Variants in CDH7 observed in about 807,000 individuals in gnomAD.
CDH7 encodes cadherin 7.
A neutral mutation model predicts 71.8 loss-of-function variants in CDH7; 25 were observed. That is an observed-to-expected ratio of 0.35 (90% CI 0.25 to 0.49). The LOEUF (loss-of-function observed/expected upper bound fraction) is 0.49. Ranked by LOEUF, CDH7 falls within the 20% of genes least tolerant of loss-of-function variation. The probability of loss-of-function intolerance (pLI) is 0.99; values close to 1 mark genes in which losing one functional copy is unlikely to be tolerated. For missense variants in CDH7, 862 were observed against 974.6 expected (o/e 0.88, Z 1.54); for synonymous variants, 381 against 363.8 (o/e 1.05, Z -0.54).
intron 3 of CDH7, among the ~76,000 whole-genome samples, chr18:65,810,255 A>G (rs545272084): frequency 6.6e-6 from 1 of 152,264 alleles, no homozygotes; most frequent in Non-Finnish European, 1.5e-5. Flanking sequence ...AAATTACTTC[A>G]ATCTTACATT....
At chr18:65,842,905 A>G (rs1912788998) in intron 6 of CDH7, among the ~76,000 whole-genome samples, 1 of 151,992 alleles carries the variant, frequency 6.6e-6, no homozygotes, top group Non-Finnish European at 1.5e-5. Flanking sequence ...AAATGTAAAA[A>G]GAATTTGGGG....
intron 7 of CDH7, among the ~76,000 whole-genome samples, chr18:65,846,085 T>C (rs1912925007): frequency 6.6e-6 from 1 of 152,140 alleles, no homozygotes; most frequent in Non-Finnish European, 1.5e-5. Flanking sequence ...TCACTTTTTA[T>C]AATATTTTCA....
chr18:65,800,503 T>C (rs575030815), intron 2 of CDH7, among the ~76,000 whole-genome samples: 7 of 152,268 alleles, frequency 4.6e-5, no homozygotes, highest in Admixed American at 1.3e-4. Context: ...TGGTTGAAAA[T>C]AGATTTCTGG....
intron 2 of CDH7, among the ~76,000 whole-genome samples, chr18:65,765,622 G>A (rs1231641819): frequency 6.6e-6 from 1 of 152,026 alleles, no homozygotes; most frequent in Non-Finnish European, 1.5e-5. Context: ...TCACAGATGT[G>A]TATTCAACCT....
intron 2 of CDH7, among the ~76,000 whole-genome samples, chr18:65,799,135 T>C (rs1911022007): frequency 6.6e-6 from 1 of 152,036 alleles, no homozygotes; most frequent in Non-Finnish European, 1.5e-5. Context: ...CAAGAGAACA[T>C]CAAGAGACAC....
chr18:65,829,311 G>A (rs1912248553), intron 6 of CDH7, among the ~76,000 whole-genome samples: 1 of 151,874 alleles, frequency 6.6e-6, no homozygotes, highest in South Asian at 2.1e-4. Flanking sequence ...GTAGAGACGG[G>A]GTTTCACCGT....
intron 2 of CDH7, among the ~76,000 whole-genome samples, chr18:65,794,591 AG>A (rs1467745668): frequency 6.7e-6 from 1 of 149,310 alleles, no homozygotes; most frequent in Non-Finnish European, 1.5e-5. Flanking sequence ...AGGAGGGGTT[AG>A]AAAAAAAAAA....
At chr18:65,848,888 G>C (rs762940818) in intron 7 of CDH7, among the ~76,000 whole-genome samples, 7 of 152,220 alleles carry the variant, frequency 4.6e-5, no homozygotes, top group Non-Finnish European at 1.0e-4. Flanking sequence ...CATAAAAAGT[G>C]ATAATATTAT....
intron 2 of CDH7, among the ~76,000 whole-genome samples, chr18:65,808,101 G>A (rs1255656606): frequency 6.6e-6 from 1 of 152,152 alleles, no homozygotes; most frequent in Non-Finnish European, 1.5e-5. Context: ...TCGTCTGTTA[G>A]TAGGATTAAG....
In CDH7 at chr18:65,821,229, T is replaced by C. The variant is rs879668481; in HGVS notation, c.626-852T>C. On this transcript the variant is annotated intron_variant, in intron 4 of 11. Coordinates refer to ENST00000397968, the MANE Select transcript of CDH7 (RefSeq NM_004361.5). Reference sequence around the variant, plus strand: ...GGTGACAGTATTAGGGAAGTCAATATTTGCTTTGTTGTAAATTTAAGTTAA... The same window carrying C: ...GGTGACAGTATTAGGGAAGTCAATACTTGCTTTGTTGTAAATTTAAGTTAA... Among the ~76,000 whole-genome samples, 18 of 152,180 alleles carry C rather than the reference T, an allele frequency of 1.2e-4. No homozygotes were observed. In the Middle Eastern group the frequency reaches 0.01, roughly 86 times the overall value.
At position 65,843,810 on chromosome 18, in the gene CDH7, A is replaced by G. The variant is rs767110737; in HGVS notation, c.982-2A>G. ...TAATTTTCCTAACGACTTTCTTTAC[A>G]GGAGCTGGATTTTGAAGCCAAAACA... On this transcript the variant is annotated splice_acceptor_variant, in intron 6 of 11. Coordinates refer to ENST00000397968, the MANE Select transcript of CDH7 (RefSeq NM_004361.5). LOFTEE classifies it high-confidence loss of function. The G allele has an allele frequency of 1.3e-6, 2 of 1,495,170 alleles. No homozygotes were observed. The highest frequency in any genetic ancestry group is 1.3e-5 in the South Asian group (1 of 74,120). The allele number at this position is 1,495,170 out of a possible 1,614,324, so 92.6% of individuals were successfully genotyped here.
chr18:65,806,060 A>T (rs1911307550), intron 2 of CDH7, among the ~76,000 whole-genome samples: 1 of 152,236 alleles, frequency 6.6e-6, no homozygotes, highest in African/African-American at 2.4e-5. Flanking sequence ...CTGATGGAAC[A>T]TTAATAGATT....
At chr18:65,840,100 A>G (rs4144763) in intron 6 of CDH7, among the ~76,000 whole-genome samples, 86,700 of 152,122 alleles carry the variant, frequency 0.57, 27,044 homozygotes, top group East Asian at 0.95. Flanking sequence ...GCCAAGTCTA[A>G]TAGTCACTAA....
Position 65,824,822 on chromosome 18 carries a change from T to C in CDH7, c.972T>C (p.Thr324=). The change falls in exon 6 of 12, where the codon ACT becomes ACC. Residue 324 remains threonine, a synonymous_variant. Coordinates refer to ENST00000397968, the MANE Select transcript of CDH7 (RefSeq NM_004361.5). The part of the protein sequence containing the change: ...VDKETQEGII[T]IQKELDFEAK... Reference sequence around the variant, plus strand: ...AAGAAACCCAGGAAGGAATCATTACTATACAGAAGGTAATGTTTTCTTTAT... The same window carrying C: ...AAGAAACCCAGGAAGGAATCATTACCATACAGAAGGTAATGTTTTCTTTAT... The C allele has an allele frequency of 6.3e-7, 1 of 1,594,342 alleles. No homozygotes were observed. The highest frequency in any genetic ancestry group is 8.6e-7 in the Non-Finnish European group (1 of 1,167,330).
chr18:65,873,477 T>C (rs1025320174), intron 11 of CDH7, among the ~76,000 whole-genome samples: 1 of 152,222 alleles, frequency 6.6e-6, no homozygotes, highest in Non-Finnish European at 1.5e-5. Context: ...TAATAATATA[T>C]TTCAAACACA....
At chr18:65,869,543 CA>C (rs1436974320) in intron 11 of CDH7, among the ~76,000 whole-genome samples, 2 of 102,130 alleles carry the variant, frequency 2.0e-5, no homozygotes, top group South Asian at 3.3e-4. Flanking sequence ...ACAAGTGGGT[CA>C]ATTTTTTTTT....
intron 11 of CDH7, among the ~76,000 whole-genome samples, chr18:65,876,715 T>C (rs1361980380): frequency 6.6e-6 from 1 of 152,244 alleles, no homozygotes; most frequent in African/African-American, 2.4e-5. Flanking sequence ...TTTACATTTA[T>C]TTATTTTAAT....
chr18:65,778,969 T>C (rs1041889210), intron 2 of CDH7, among the ~76,000 whole-genome samples: 3 of 152,102 alleles, frequency 2.0e-5, no homozygotes, highest in African/African-American at 7.2e-5. Flanking sequence ...TTTGCAGGAT[T>C]GTTTGAATTT....
At chr18:65,761,374 T>C (rs1346811277) in intron 1 of CDH7, among the ~76,000 whole-genome samples, 2 of 152,022 alleles carry the variant, frequency 1.3e-5, no homozygotes, top group Admixed American at 6.5e-5. Flanking sequence ...TCTTAAGAAA[T>C]TTGACTATCA....
Sources: gnomAD v4.1 joint callset for allele counts (sites outside exome capture counted in the v4.1 genomes callset) on GRCh38, gnomAD v4.1.1 for gene constraint, MANE v1.5 for transcripts, NCBI Gene and HGNC (gene_info 2026-07-23, HGNC 2026-07-21) for gene names.